Variants in BCHE observed in about 807,000 individuals in gnomAD.
BCHE encodes the protein butyrylcholinesterase, also known as cholinesterase.
BCHE carries 48 observed loss-of-function variants against 51.3 expected under a neutral mutation model. That is an observed-to-expected ratio of 0.94 (90% confidence interval 0.74 to 1.19). The LOEUF (loss-of-function observed/expected upper bound fraction) is 1.19, where lower values mean the gene tolerates loss of function less well. Among genes scored for constraint, BCHE ranks in the 50% most tolerant of loss-of-function variants. The pLI, the probability that BCHE is intolerant of heterozygous loss-of-function variation, is 0.00. For synonymous variants in BCHE, 251 were observed against 238.0 expected, an observed-to-expected ratio of 1.05 and a Z score of -0.50; for missense variants, 847 against 708.2, an observed-to-expected ratio of 1.20 and a Z score of -2.23.
intron 2 of BCHE, among the ~76,000 whole-genome samples, chr3:165,801,918 G>T (rs1713665634): frequency 6.6e-6 from 1 of 152,072 alleles, no homozygotes; most frequent in African/African-American, 2.4e-5. Flanking sequence ...TCTTGCTGGG[G>T]TCTAGTCATA....
At chr3:165,786,069 C>A in intron 3 of BCHE, 76 bp downstream of exon 3, 2 of 1,483,224 alleles carry the variant, frequency 1.3e-6, no homozygotes, top group South Asian at 1.1e-5. Context: ...ATCACCGTGC[C>A]TTGGAGAGTA....
chr3:165,796,501 T>C (rs1457767067), intron 2 of BCHE, among the ~76,000 whole-genome samples: 1 of 152,234 alleles, frequency 6.6e-6, no homozygotes, highest in African/African-American at 2.4e-5. Context: ...AGCTCTGTTC[T>C]GTTCAAGAAA....
intron 2 of BCHE, among the ~76,000 whole-genome samples, chr3:165,821,454 G>C (rs1039406128): frequency 8.6e-5 from 13 of 150,758 alleles, no homozygotes; most frequent in Non-Finnish European, 1.6e-4. Context: ...AAGAGAGAGA[G>C]AGCGCACCAA....
intron 2 of BCHE, among the ~76,000 whole-genome samples, chr3:165,824,221 A>G (rs1714638481): frequency 1.3e-5 from 2 of 151,752 alleles, no homozygotes; most frequent in Non-Finnish European, 2.9e-5. Flanking sequence ...ATGACACTAT[A>G]TTATGATAAA....
At chr3:165,834,007 T>C (rs144854376) in intron 1 of BCHE, among the ~76,000 whole-genome samples, 1 of 152,208 alleles carries the variant, frequency 6.6e-6, no homozygotes, top group Non-Finnish European at 1.5e-5. Flanking sequence ...TAGTTTGTCT[T>C]TAGAAACCAA....
intron 2 of BCHE, among the ~76,000 whole-genome samples, chr3:165,806,129 C>A (rs1713855703): frequency 6.6e-6 from 1 of 151,984 alleles, no homozygotes; most frequent in South Asian, 2.1e-4. Flanking sequence ...TAGCATTCTC[C>A]CCTCACATTA....
chr3:165,793,054 T>C (rs1343709939), intron 2 of BCHE, among the ~76,000 whole-genome samples: 1 of 152,206 alleles, frequency 6.6e-6, no homozygotes, highest in African/African-American at 2.4e-5. Flanking sequence ...TGTCTAAATT[T>C]GGTTTTGTTA....
chr3:165,834,457 CAT>C (rs1307912432), intron 1 of BCHE, among the ~76,000 whole-genome samples: 7 of 151,962 alleles, frequency 4.6e-5, no homozygotes, highest in Non-Finnish European at 7.4e-5. Flanking sequence ...TGTCATATGA[CAT>C]ATTATTTAAT....
chr3:165,788,632 CAG>C (rs1485736331), intron 2 of BCHE, among the ~76,000 whole-genome samples: 1 of 152,038 alleles, frequency 6.6e-6, no homozygotes, highest in African/African-American at 2.4e-5. Context: ...CTAAATTGTC[CAG>C]TTTTCTTCTA....
chr3:165,830,713 T>C lies in BCHE; in HGVS notation c.321A>G (p.Ser107=). The change falls in exon 2 of 4, where the codon TCA becomes TCG. Residue 107 remains serine, a synonymous_variant. Transcript: ENST00000264381. Reference sequence around the variant, plus strand: ...GGTCAGTGTTTGGGTTCCACATCTCTGATCCATGGAAGCCTGGAAAACTTT... The same window carrying C: ...GGTCAGTGTTTGGGTTCCACATCTCCGATCCATGGAAGCCTGGAAAACTTT... ...IDQSFPGFHG[S]EMWNPNTDLS... 4 of 1,614,070 alleles carry C rather than the reference T, an allele frequency of 2.5e-6. No homozygotes were observed. Among genetic ancestry groups the C allele is most frequent in the Non-Finnish European group, 2.5e-6 (3 of 1,179,958 alleles).
intron 2 of BCHE, among the ~76,000 whole-genome samples, chr3:165,817,917 C>A (rs1464399695): frequency 4.6e-5 from 7 of 152,004 alleles, no homozygotes; most frequent in Non-Finnish European, 1.0e-4. Flanking sequence ...AAAGGCCTTA[C>A]AATCTAAAGA....
chr3:165,814,490 C>T (rs977616000), intron 2 of BCHE, among the ~76,000 whole-genome samples: 32 of 152,032 alleles, frequency 2.1e-4, no homozygotes, highest in African/African-American at 7.5e-4. Context: ...TCCTTACTTT[C>T]CTCAGCTCAC....
At chr3:165,805,800 C>G (rs1046308640) in intron 2 of BCHE, among the ~76,000 whole-genome samples, 1 of 152,084 alleles carries the variant, frequency 6.6e-6, no homozygotes, top group African/African-American at 2.4e-5. Context: ...GTCCGACATA[C>G]GTTCTTAACT....
At chr3:165,834,646 T>C (rs754852224) in intron 1 of BCHE, among the ~76,000 whole-genome samples, 5 of 151,916 alleles carry the variant, frequency 3.3e-5, no homozygotes, top group Non-Finnish European at 7.4e-5. Context: ...TAAAAGACTT[T>C]AAAAATTTTG....
chr3:165,830,704 C>T lies in BCHE; in HGVS notation c.330G>A (p.Trp110Ter). The T allele has an allele frequency of 1.2e-6, 2 of 1,613,990 alleles. No individual in the cohort carries two copies. Among genetic ancestry groups the T allele is most frequent in the Non-Finnish European group, 1.7e-6 (2 of 1,179,942 alleles). Residue 110 changes from tryptophan to a stop codon, truncating the protein, a stop_gained, in exon 2 of 4, where the codon TGG (tryptophan) becomes TGA (stop). Transcript: ENST00000264381. LOFTEE classifies it high-confidence loss of function. ...SFPGFHGSEM[W>*]NPNTDLSEDC... Reference sequence around the variant, plus strand: ...CTTCACTGAGGTCAGTGTTTGGGTTCCACATCTCTGATCCATGGAAGCCTG... The same window carrying T: ...CTTCACTGAGGTCAGTGTTTGGGTTTCACATCTCTGATCCATGGAAGCCTG...
At chr3:165,806,616 G>A (rs1713877602) in intron 2 of BCHE, among the ~76,000 whole-genome samples, 1 of 151,970 alleles carries the variant, frequency 6.6e-6, no homozygotes, top group Admixed American at 6.6e-5. Context: ...CAGATGTGAG[G>A]TAACATTTAA....
intron 1 of BCHE, among the ~76,000 whole-genome samples, chr3:165,832,587 C>T (rs888689810): frequency 3.3e-5 from 5 of 151,988 alleles, no homozygotes; most frequent in Admixed American, 1.3e-4. Flanking sequence ...CCACCGCGCC[C>T]GGCCATAGAA....
intron 3 of BCHE, 113 bp from the exon 4 acceptor site, chr3:165,773,619 T>TCTG: frequency 1.2e-6 from 1 of 801,216 alleles, no homozygotes; most frequent in Non-Finnish European, 1.9e-6. Flanking sequence ...CAGCATTATT[T>TCTG]TCTTTATTTA....
chr3:165,802,426 G>A (rs765268605), intron 2 of BCHE, among the ~76,000 whole-genome samples: 1 of 152,102 alleles, frequency 6.6e-6, no homozygotes, highest in African/African-American at 2.4e-5. Context: ...CTCCAACATA[G>A]GGAGGAGAAT....
Sources: allele counts gnomAD v4.1 joint callset (sites outside exome capture counted in the v4.1 genomes callset), GRCh38; gene constraint gnomAD v4.1.1; transcripts MANE v1.5; gene names NCBI Gene and HGNC (gene_info 2026-07-23, HGNC 2026-07-21).